The following SCMH1 variants were observed in gnomAD, a reference collection of about 807,000 sequenced individuals.
SCMH1 encodes the protein Scm polycomb group protein homolog 1, also known as polycomb protein SCMH1.
Under a neutral mutation model 70.8 loss-of-function variants are expected in SCMH1, and 37 were observed. The ratio of observed to expected loss-of-function variants is 0.52; its 90% CI spans 0.40 to 0.69. SCMH1 has a LOEUF of 0.69. Ranked by LOEUF, SCMH1 falls within the 30% of genes least tolerant of loss-of-function variation. SCMH1 has a pLI of 0.00. For synonymous variants in SCMH1, 292 were observed against 307.4 expected (o/e 0.95, Z 0.52); for missense variants, 607 against 827.3 (o/e 0.73, Z 3.27).
At chr1:41,046,376 C>T (rs371982858) in intron 12 of SCMH1, 31 bp downstream of exon 12, 8 of 1,602,380 alleles carry the variant, frequency 5.0e-6, no homozygotes, top group African/African-American at 2.7e-5. Context: ...CTGTCCCCCA[C>T]TCTCAGCCCA....
chr1:41,211,954 G>C (rs376464466), intron 1 of SCMH1, among the ~76,000 whole-genome samples: 17 of 152,266 alleles, frequency 1.1e-4, no homozygotes, highest in African/African-American at 4.1e-4. Context: ...CTCATAGGTG[G>C]GAACTGAACA....
chr1:41,059,653 TTTACAC>T (rs773935165), intron 10 of SCMH1, among the ~76,000 whole-genome samples: 2 of 152,148 alleles, frequency 1.3e-5, no homozygotes, highest in Non-Finnish European at 2.9e-5. Flanking sequence ...ACTGAGCTGG[TTTACAC>T]TTAAGCCATC....
intron 1 of SCMH1, among the ~76,000 whole-genome samples, chr1:41,209,802 G>A (rs751004951): frequency 1.8e-4 from 28 of 152,022 alleles, no homozygotes; most frequent in Non-Finnish European, 3.2e-4. Flanking sequence ...TTTGAAAACT[G>A]GCACAAGCAT....
intron 6 of SCMH1, among the ~76,000 whole-genome samples, chr1:41,123,079 G>C (rs1450790697): frequency 2.0e-5 from 3 of 152,104 alleles, no homozygotes; most frequent in Non-Finnish European, 4.4e-5. Flanking sequence ...AAATTAGCTG[G>C]GTGTGGTGGT....
At chr1:41,108,547 C>A (rs1410558649) in intron 8 of SCMH1, among the ~76,000 whole-genome samples, 1 of 152,196 alleles carries the variant, frequency 6.6e-6, no homozygotes, top group Non-Finnish European at 1.5e-5. Context: ...AAGTAAAAAG[C>A]TTCTGCCTTT....
intron 1 of SCMH1, among the ~76,000 whole-genome samples, chr1:41,202,339 T>A (rs1268282480): frequency 6.6e-6 from 1 of 151,916 alleles, no homozygotes; most frequent in Non-Finnish European, 1.5e-5. Context: ...CAGCCTTTTT[T>A]TTTTTTCCCT....
In SCMH1 at chr1:41,161,400, A is replaced by C. The variant is rs1292074651; in HGVS notation, c.46T>G (p.Tyr16Asp). 1.9e-6 allele frequency: 3 copies of C among 1,550,510 alleles called. No homozygotes were observed. The South Asian group carries it at 3.6e-5, about 18-fold the overall frequency. Residue 16 changes from tyrosine to aspartate, a missense_variant, in exon 3 of 15, where the codon TAT becomes GAT. Coordinates refer to ENST00000337495, the Ensembl canonical transcript of SCMH1. ...GATGCAGACTCTGATAGGTGACCATATTTGTGTTTTCTAACATCACTCCAG... is the reference window on the plus strand; with the variant it reads ...GATGCAGACTCTGATAGGTGACCATCTTTGTGTTTTCTAACATCACTCCAG...
intron 9 of SCMH1, among the ~76,000 whole-genome samples, chr1:41,073,054 C>G (rs1657069045): frequency 6.6e-6 from 1 of 152,182 alleles, no homozygotes; most frequent in Non-Finnish European, 1.5e-5. Context: ...ACTTTGGTTA[C>G]TACGTTCAAG....
intron 1 of SCMH1, among the ~76,000 whole-genome samples, chr1:41,213,472 C>T (rs1162450998): frequency 1.3e-5 from 2 of 152,112 alleles, no homozygotes; most frequent in African/African-American, 4.8e-5. Flanking sequence ...TGTAGCAGGA[C>T]ATAAAACCTT....
chr1:41,136,652 G>T (rs1013530466), intron 6 of SCMH1, among the ~76,000 whole-genome samples: 1 of 151,956 alleles, frequency 6.6e-6, no homozygotes, highest in African/African-American at 2.4e-5. Context: ...GATTACAGGT[G>T]TGAGCCATTG....
At chr1:41,211,431 C>T (rs1321791844) in intron 1 of SCMH1, among the ~76,000 whole-genome samples, 4 of 152,210 alleles carry the variant, frequency 2.6e-5, no homozygotes, top group Non-Finnish European at 1.5e-5. Flanking sequence ...CTCATCATCA[C>T]TGGTCATCAC....
intron 8 of SCMH1, among the ~76,000 whole-genome samples, chr1:41,093,440 C>A (rs1225110496): frequency 4.6e-5 from 7 of 152,060 alleles, no homozygotes; most frequent in African/African-American, 1.7e-4. Flanking sequence ...TTAGTGGGTG[C>A]AGCACACCAG....
At chr1:41,094,988 C>G (rs1189952268) in intron 8 of SCMH1, among the ~76,000 whole-genome samples, 3 of 152,056 alleles carry the variant, frequency 2.0e-5, no homozygotes, top group Non-Finnish European at 4.4e-5. Flanking sequence ...AAAACAATAC[C>G]TCCAACCCAT....
chr1:41,117,599 C>T (rs1281946803), intron 6 of SCMH1, among the ~76,000 whole-genome samples: 1 of 152,202 alleles, frequency 6.6e-6, no homozygotes, highest in African/African-American at 2.4e-5. Context: ...AAAGGTCTAA[C>T]TGTCTCCCTG....
intron 1 of SCMH1, among the ~76,000 whole-genome samples, chr1:41,198,505 AT>A (rs1653564909): frequency 6.6e-6 from 1 of 152,182 alleles, no homozygotes; most frequent in South Asian, 2.1e-4. Flanking sequence ...AGTTTTTAAA[AT>A]TTGAATTTTC....
At chr1:41,080,387 A>G (rs1235995577) in intron 8 of SCMH1, among the ~76,000 whole-genome samples, 1 of 152,168 alleles carries the variant, frequency 6.6e-6, no homozygotes, top group Non-Finnish European at 1.5e-5. Flanking sequence ...TAAGGCCAGC[A>G]TAACCCTCAT....
At chr1:41,142,455 G>A (rs762451140) in intron 6 of SCMH1, among the ~76,000 whole-genome samples, 10 of 152,196 alleles carry the variant, frequency 6.6e-5, no homozygotes, top group Non-Finnish European at 1.2e-4. Flanking sequence ...AGGACCAGGT[G>A]AGAATTAGTG....
intron 10 of SCMH1, among the ~76,000 whole-genome samples, chr1:41,049,491 G>A (rs528193087): frequency 4.9e-4 from 74 of 151,924 alleles, no homozygotes; most frequent in Non-Finnish European, 9.6e-4. Flanking sequence ...AAAAAGTTGG[G>A]CTGGGCGTGG....
chr1:41,051,009 T>C (rs1027673149), intron 10 of SCMH1, among the ~76,000 whole-genome samples: 5 of 152,290 alleles, frequency 3.3e-5, no homozygotes, highest in African/African-American at 1.2e-4. Flanking sequence ...AAGACACCTA[T>C]AAGAATGTTC....
Sources: gnomAD v4.1 joint callset for allele counts (sites outside exome capture counted in the v4.1 genomes callset) on GRCh38, gnomAD v4.1.1 for gene constraint, MANE v1.5 for transcripts, NCBI Gene and HGNC (gene_info 2026-07-23, HGNC 2026-07-21) for gene names.